The following KANK1 variants were observed in gnomAD, a reference collection of about 807,000 sequenced individuals.
KANK1 encodes the protein KN motif and ankyrin repeat domains 1, also known as KN motif and ankyrin repeat domain-containing protein 1.
Under a neutral mutation model 106.2 loss-of-function variants are expected in KANK1, and 109 were observed. The observed-to-expected ratio is 1.03, with a 90% CI of 0.88 to 1.20. The LOEUF (loss-of-function observed/expected upper bound fraction) is 1.20, where lower values mean the gene tolerates loss of function less well. Among genes scored for constraint, KANK1 ranks in the 50% most tolerant of loss-of-function variants. The pLI is 0.00. For missense variants in KANK1, 2,399 were observed against 1,710.7 expected, an observed-to-expected ratio of 1.40 and a Z score of -7.10; for synonymous variants, 873 against 652.2, an observed-to-expected ratio of 1.34 and a Z score of -5.16.
At chr9:560,024 A>T (rs1402293479) in intron 1 of KANK1, among the ~76,000 whole-genome samples, 1 of 152,220 alleles carries the variant, frequency 6.6e-6, no homozygotes, top group Non-Finnish European at 1.5e-5. Context: ...TTTCTATTGT[A>T]GACCCTAGTT....
intron 1 of KANK1, among the ~76,000 whole-genome samples, chr9:606,035 C>T (rs1017854485): frequency 2.0e-4 from 30 of 151,410 alleles, no homozygotes; most frequent in African/African-American, 7.1e-4. Context: ...ACTATTCAGT[C>T]AGTTTTATCA....
At position 713,056 on chromosome 9, in the gene KANK1, A is replaced by G. The variant is rs1426157232; in HGVS notation, c.2290A>G (p.Ile764Val). The G allele has an allele frequency of 6.2e-7, 1 of 1,614,182 alleles. No individual in the cohort carries two copies. The change falls in exon 3 of 12, where the codon ATA (isoleucine) becomes GTA (valine). Residue 764 changes from isoleucine to valine, a missense_variant. By Grantham distance (29) the Ile-to-Val change is conservative (BLOSUM62 3). Transcript: ENST00000382297. ...GACCAAAGAGTCAGGTGTGGGGCAG[A>G]TAAATATTAACGACAACTATCTGGT... ...VKTKESGVGQ[I>V]NINDNYLVGL...
intron 1 of KANK1, among the ~76,000 whole-genome samples, chr9:664,663 T>A (rs1844154556): frequency 6.6e-6 from 1 of 152,216 alleles, no homozygotes. Flanking sequence ...CTTCAATATA[T>A]TGGTTTTCTT....
At chr9:555,918 TAAC>T (rs916015549) in intron 1 of KANK1, among the ~76,000 whole-genome samples, 5 of 152,258 alleles carry the variant, frequency 3.3e-5, no homozygotes, top group Non-Finnish European at 7.3e-5. Context: ...GATGTTATAA[TAAC>T]ATCATTAACT....
chr9:681,900 T>C (rs1161738958), intron 2 of KANK1, among the ~76,000 whole-genome samples: 1 of 152,222 alleles, frequency 6.6e-6, no homozygotes, highest in African/African-American at 2.4e-5. Context: ...TTTTCCCTCA[T>C]GCTCTTTCTT....
chr9:664,303 ATGAG>A (rs1271111380), intron 1 of KANK1, among the ~76,000 whole-genome samples: 3 of 152,092 alleles, frequency 2.0e-5, no homozygotes, highest in Non-Finnish European at 4.4e-5. Context: ...GCTCCCACAT[ATGAG>A]TGAGAACATG....
At chr9:499,048 A>G (rs1421619088) in intron 3 of KANK1, among the ~76,000 whole-genome samples, 2 of 151,764 alleles carry the variant, frequency 1.3e-5, no homozygotes, top group East Asian at 1.9e-4. Context: ...CGTGGTGGCG[A>G]GCGCCTGTAG....
intron 2 of KANK1, chr9:707,225 G>A: frequency 2.0e-6 from 2 of 986,224 alleles, no homozygotes; most frequent in African/African-American, 1.7e-5. Flanking sequence ...CGGGCTGGCG[G>A]GGAGCGCGGC....
chr9:611,734 T>C (rs912792602), intron 1 of KANK1, among the ~76,000 whole-genome samples: 19 of 152,212 alleles, frequency 1.2e-4, no homozygotes, highest in Admixed American at 1.0e-3. Flanking sequence ...ACTCTTTTTT[T>C]TGGAGACAAA....
chr9:589,370 T>G (rs1824273659), intron 1 of KANK1, among the ~76,000 whole-genome samples: 1 of 152,148 alleles, frequency 6.6e-6, no homozygotes, highest in Admixed American at 6.5e-5. Flanking sequence ...AACATCATGA[T>G]AAGCTAAGGA....
At chr9:503,478 C>T (rs184240601), upstream of KANK1, among the ~76,000 whole-genome samples, 1 of 152,184 alleles carries the variant, frequency 6.6e-6, no homozygotes, top group African/African-American at 2.4e-5. Context: ...AGGTGTGCTT[C>T]GCTGTGAACT....
rs773127964 is a variant in KANK1 at position 732,559 on chromosome 9, G to A, written c.3187G>A (p.Val1063Met). The A allele has an allele frequency of 1.9e-6, 3 of 1,614,078 alleles. No individual in the cohort carries two copies. Among genetic ancestry groups the A allele is most frequent in the African/African-American group, 1.3e-5 (1 of 74,918 alleles). ...VNIEGLKSAR[V>M]EDEMQVQECE... is the part of the protein sequence containing the mutation. The stretch of plus-strand genomic sequence containing the variant: ...TATTGAAGGTTTGAAGTCTGCCAGG[G>A]TGGAAGATGAAATGCAGGTTCAAGA... The change falls in exon 6 of 12, where the codon GTG becomes ATG. Residue 1063 changes from valine to methionine, a missense_variant. Val to Met is a conservative substitution (Grantham distance 21, BLOSUM62 1). Coordinates refer to ENST00000382297, the MANE Select transcript of KANK1 (RefSeq NM_015158.5).
chr9:545,416 C>T (rs2060867320), intron 1 of KANK1, among the ~76,000 whole-genome samples: 1 of 152,170 alleles, frequency 6.6e-6, no homozygotes, highest in South Asian at 2.1e-4. Context: ...TTCTGGGAGT[C>T]TTTCCCATGT....
intron 1 of KANK1, among the ~76,000 whole-genome samples, chr9:555,190 G>C (rs959268486): frequency 2.6e-5 from 4 of 152,218 alleles, no homozygotes; most frequent in African/African-American, 7.2e-5. Context: ...TAATCCCTGA[G>C]AAAGCCATTT....
At chr9:545,103 A>C (rs1395743323) in intron 1 of KANK1, among the ~76,000 whole-genome samples, 2 of 151,772 alleles carry the variant, frequency 1.3e-5, no homozygotes, top group African/African-American at 4.8e-5. Context: ...GGGAGAGGCA[A>C]ACATCAAGCC....
rs7874697 is a variant in KANK1, at chr9:691,404, G to A, written c.37+14395G>A. ...GTTTTAAAATTGTATGTGTGTGTGT[G>A]TATATATATATATATTTATTTATTA... On this transcript the variant is annotated intron_variant, in intron 2 of 11. Coordinates refer to ENST00000382297, the MANE Select transcript of KANK1 (RefSeq NM_015158.5). 5.5e-3 allele frequency among the ~76,000 whole-genome samples: 823 copies of A among 149,662 alleles called. 10 individuals carry two copies. The highest frequency in any genetic ancestry group is 0.019 in the African/African-American group (791 of 40,840).
chr9:631,127 T>A lies in KANK1; in HGVS notation c.-83-45763T>A, dbSNP rs150572620. On this transcript the variant is annotated intron_variant, in intron 1 of 11. Coordinates refer to ENST00000382297, the MANE Select transcript of KANK1 (RefSeq NM_015158.5). ...TATTGTTGTTTCTGTTCAGCGTTAA[T>A]ACGTTTTGCATTGTACCACAAATAT... Among the ~76,000 whole-genome samples the A allele has an allele frequency of 1.6e-3, 247 of 152,262 alleles. 2 individuals are homozygous for A. Among genetic ancestry groups the A allele is most frequent in the African/African-American group, 5.6e-3 (231 of 41,530 alleles).
At chr9:501,467 C>T (rs1311554856), upstream of KANK1, among the ~76,000 whole-genome samples, 1 of 152,050 alleles carries the variant, frequency 6.6e-6, no homozygotes, top group Non-Finnish European at 1.5e-5. Context: ...CTATTTGTTG[C>T]CTTCATTTAT....
intron 1 of KANK1, among the ~76,000 whole-genome samples, chr9:532,254 T>C (rs1429366091): frequency 6.6e-6 from 1 of 150,982 alleles, no homozygotes; most frequent in African/African-American, 2.4e-5. Flanking sequence ...TTTTTTTTTT[T>C]TTTTGAGACA....
Sources: allele counts gnomAD v4.1 joint callset (sites outside exome capture counted in the v4.1 genomes callset), GRCh38; gene constraint gnomAD v4.1.1; transcripts MANE v1.5; gene names NCBI Gene and HGNC (gene_info 2026-07-23, HGNC 2026-07-21).